DDX19A: variants seen among roughly 807,000 people sequenced by gnomAD.
DDX19A encodes ATP-dependent RNA helicase DDX19A.
A neutral mutation model predicts 60.6 loss-of-function variants in DDX19A; 12 were observed. The observed-to-expected ratio is 0.20, with a 90% CI of 0.13 to 0.32. The LOEUF (loss-of-function observed/expected upper bound fraction) is 0.32, where lower values mean the gene tolerates loss of function less well. Ranked by LOEUF, DDX19A falls within the 10% of genes least tolerant of loss-of-function variation. DDX19A has a pLI of 1.00. For synonymous variants in DDX19A, 206 were observed against 218.2 expected (o/e 0.94, Z 0.49); for missense variants, 337 against 600.6 (o/e 0.56, Z 4.59).
At chr16:70,368,926 G>A (rs373047572) in intron 9 of DDX19A, among the ~76,000 whole-genome samples, 40 of 152,076 alleles carry the variant, frequency 2.6e-4, no homozygotes, top group East Asian at 2.1e-3. Context: ...GAGTGCAGTG[G>A]TGCAATCTCG....
At chr16:70,361,793 T>C (rs1225291786) in intron 5 of DDX19A, among the ~76,000 whole-genome samples, 1 of 152,048 alleles carries the variant, frequency 6.6e-6, no homozygotes, top group Non-Finnish European at 1.5e-5. Flanking sequence ...TCCTAGCACT[T>C]TGGGAGGCCG....
intron 10 of DDX19A, chr16:70,370,969 TG>T: frequency 3.4e-6 from 1 of 290,960 alleles, no homozygotes; most frequent in Non-Finnish European, 6.5e-6. Flanking sequence ...CACTCCAGCC[TG>T]GGCAACAAGA....
Position 70,370,394 on chromosome 16 carries a change from AG to A in DDX19A, c.1183+11del, listed in dbSNP as rs1964648286. On this transcript the variant is annotated intron_variant, in intron 10 of 11. Coordinates refer to ENST00000302243, the MANE Select transcript of DDX19A (RefSeq NM_018332.5). ...CAACGTGTGTGCCCGCGGTGAGCAGAGGACGTGTCCCACCTGGTCTGCCAGG... is the reference window on the plus strand; with the variant it reads ...CAACGTGTGTGCCCGCGGTGAGCAGAGACGTGTCCCACCTGGTCTGCCAGG... 2 of 1,609,870 alleles carry A rather than the reference AG, an allele frequency of 1.2e-6. No individual in the cohort carries two copies. Among genetic ancestry groups the A allele is most frequent in the East Asian group, 4.5e-5 (2 of 44,866 alleles).
At chr16:70,353,939 C>T (rs1964108527) in intron 2 of DDX19A, among the ~76,000 whole-genome samples, 1 of 151,286 alleles carries the variant, frequency 6.6e-6, no homozygotes, top group African/African-American at 2.4e-5. Context: ...TGCTCTGTCA[C>T]CCAGGCTGCA....
rs2047310445 is a variant in DDX19A at position 70,373,319 on chromosome 16, C to G, written c.*1333C>G. 1 of 152,136 alleles carries G rather than the reference C, an allele frequency of 6.6e-6. No individual in the cohort carries two copies. The highest frequency in any genetic ancestry group is 2.4e-5 in the African/African-American group (1 of 41,426). The allele number at this position is 152,136 out of a possible 1,614,324, so 9.4% of individuals were successfully genotyped here. A position where few individuals can be genotyped will look rare whatever the true frequency, so the allele number is the denominator to read the frequency against. On this transcript the variant is annotated 3_prime_UTR_variant, in exon 12 of 12. Transcript: ENST00000302243. ...TAAAGTAATTATGAGAAACGCTCTA[C>G]TAATGATTTGTTTTTATTTGTATTT... is the stretch of plus-strand genomic sequence containing the variant.
Position 70,371,545 on chromosome 16 carries a change from A to C in DDX19A, c.1357A>C (p.Arg453=). 1 of 1,495,264 alleles carries C rather than the reference A, an allele frequency of 6.7e-7. No individual in the cohort carries two copies. Among genetic ancestry groups the C allele is most frequent in the Non-Finnish European group, 9.0e-7 (1 of 1,110,822 alleles). 92.6% of individuals were successfully genotyped at this position (1,495,264 alleles called of 1,614,324 possible). The change falls in exon 11 of 12, where the codon AGA becomes CGA. Residue 453 remains arginine (R), a synonymous_variant. Transcript: ENST00000302243. Reference sequence around the variant, plus strand: ...CAAGCACAGCATGAACATCCTGAACAGAATCCAGGAGCATTTTAGTGAGTC... The same window carrying C: ...CAAGCACAGCATGAACATCCTGAACCGAATCCAGGAGCATTTTAGTGAGTC... ...DSKHSMNILN[R]IQEHFNKKIE...
chr16:70,357,366 G>GTTGT (rs1964236868), intron 4 of DDX19A, among the ~76,000 whole-genome samples: 1 of 44,596 alleles, frequency 2.2e-5, no homozygotes, highest in Non-Finnish European at 4.1e-5. Flanking sequence ...TTTTTGGTTT[G>GTTGT]TTTTTTTTTT....
rs1159991778 is a variant in DDX19A, at chr16:70,347,300, A to G, written c.57+252A>G. The G allele has an allele frequency of 3.8e-5, 21 of 549,412 alleles. No individual in the cohort carries two copies. The East Asian group carries it at 3.9e-4, about 10-fold the overall frequency. The allele number at this position is 549,412 out of a possible 1,614,324, so 34.0% of individuals were successfully genotyped here. A position where few individuals can be genotyped will look rare whatever the true frequency, so the allele number is the denominator to read the frequency against. On this transcript the variant is annotated intron_variant, in intron 1 of 11. Coordinates refer to ENST00000302243, the MANE Select transcript of DDX19A (RefSeq NM_018332.5). ...CCACTATGCATGCTGTCATTCCTCT[A>G]TTGACCTCCTCGGTGACGATTATAA...
chr16:70,359,406 A>C (rs1290355167), intron 4 of DDX19A, among the ~76,000 whole-genome samples: 1 of 152,212 alleles, frequency 6.6e-6, no homozygotes, highest in Non-Finnish European at 1.5e-5. Flanking sequence ...GCTAAACTCC[A>C]AGGAAGGCTT....
At chr16:70,347,522 A>C (rs1038093687) in intron 1 of DDX19A, among the ~76,000 whole-genome samples, 1 of 152,176 alleles carries the variant, frequency 6.6e-6, no homozygotes, top group African/African-American at 2.4e-5. Flanking sequence ...AGGCACTACA[A>C]ATTGTTTCAT....
intron 2 of DDX19A, 104 bp downstream of exon 2, chr16:70,350,709 G>C (rs1293604156): frequency 1.2e-4 from 99 of 850,352 alleles, no homozygotes; most frequent in Non-Finnish European, 1.7e-5. Flanking sequence ...GTAAACTTCA[G>C]CTGTTTACAA....
chr16:70,348,080 G>T lies in DDX19A; in HGVS notation c.57+1032G>T, dbSNP rs184855522. On this transcript the variant is annotated intron_variant, in intron 1 of 11. Transcript: ENST00000302243. ...ACAGAGAACAGAATATGTTAGAAGT[G>T]ATGGCTAATAGAAATATCAGTGTAG... is the stretch of plus-strand genomic sequence containing the variant. 1.2e-4 allele frequency: 45 copies of T among 370,680 alleles called. 1 individual carries two copies. The East Asian group carries it at 3.4e-3, about 28-fold the overall frequency. 23.0% of individuals were successfully genotyped at this position (370,680 alleles called of 1,614,324 possible). A position where few individuals can be genotyped will look rare whatever the true frequency, so the allele number is the denominator to read the frequency against.
rs776723282 is a variant in DDX19A, at chr16:70,361,387, G to A, written c.294-31G>A. The A allele has an allele frequency of 2.0e-6, 3 of 1,495,028 alleles. No homozygotes were observed. In the African/African-American group the frequency reaches 4.1e-5, roughly 21 times the overall value. 92.6% of individuals were successfully genotyped at this position (1,495,028 alleles called of 1,614,324 possible). A position where few individuals can be genotyped will look rare whatever the true frequency, so the allele number is the denominator to read the frequency against. Reference sequence around the variant, plus strand: ...CCTCTAAAACAATTCTAACTTCTAGGCATCCATCCTCTGTCTTCCTGGCTT... The same window carrying A: ...CCTCTAAAACAATTCTAACTTCTAGACATCCATCCTCTGTCTTCCTGGCTT... On this transcript the variant is annotated intron_variant, in intron 4 of 11. Coordinates refer to ENST00000302243, the MANE Select transcript of DDX19A (RefSeq NM_018332.5).
At chr16:70,369,141 A>G (rs573034715) in intron 9 of DDX19A, among the ~76,000 whole-genome samples, 2 of 145,868 alleles carry the variant, frequency 1.4e-5, no homozygotes, top group African/African-American at 5.1e-5. Context: ...TGCTGGGATT[A>G]CAGGCGTGAA....
In DDX19A at chr16:70,371,851, G is replaced by A. The variant is rs1375147155; in HGVS notation, c.1376-74G>A. ...TTAGGCACCCGGAGCCTTTGGGCCT[G>A]AATGAATGATTGCTGTGGCCTGAGG... On this transcript the variant is annotated intron_variant, in intron 11 of 11. Transcript: ENST00000302243. 12 of 1,612,664 alleles carry A rather than the reference G, an allele frequency of 7.4e-6. No homozygotes were observed. The Admixed American group carries it at 2.0e-4, about 27-fold the overall frequency.
intron 4 of DDX19A, among the ~76,000 whole-genome samples, chr16:70,357,362 GTTTGTTT>G (rs1964234345): frequency 2.0e-5 from 1 of 48,874 alleles, no homozygotes; most frequent in African/African-American, 8.0e-5. Context: ...TCTGTTTTTG[GTTTGTTT>G]TTTTTTTTTT....
intron 8 of DDX19A, 34 bp downstream of exon 8, chr16:70,366,296 T>A (rs775125839): frequency 6.2e-7 from 1 of 1,613,308 alleles, no homozygotes; most frequent in Non-Finnish European, 8.5e-7. Flanking sequence ...CTCCTCAGAC[T>A]CCCCATCTGC....
chr16:70,347,037 G>T lies in DDX19A; in HGVS notation c.46G>T (p.Ala16Ser). Residue 16 changes from alanine (A) to serine (S), a missense_variant, in exon 1 of 12, where the codon GCT becomes TCT. Around this residue, in one of 6 missense-constraint regions of DDX19A, gnomAD observed 127 missense variants for 160.3 expected, o/e 0.79. Transcript: ENST00000302243. ...WALAVDEQEA[A>S]VKSMTNLQIK... ...CCTGGCGGTGGACGAGCAGGAAGCG[G>T]CTGTCAAGTCGGTCAGTAGCTCAGC... The T allele has an allele frequency of 6.2e-7, 1 of 1,612,228 alleles. No individual in the cohort carries two copies.
chr16:70,365,912 G>T, intron 7 of DDX19A, 173 bp from the exon 8 acceptor site: 1 of 899,628 alleles, frequency 1.1e-6, no homozygotes, highest in East Asian at 2.6e-5. Context: ...TGAGATAGGT[G>T]TCATTCTGCC....
Sources: gnomAD v4.1 joint callset for allele counts (sites outside exome capture counted in the v4.1 genomes callset) on GRCh38, gnomAD v4.1.1 for gene constraint, gnomAD v4.1.1 regional missense constraint, MANE v1.5 for transcripts, NCBI Gene and HGNC (gene_info 2026-07-23, HGNC 2026-07-21) for gene names.